The following LAD1 variants were observed in gnomAD, a reference collection of about 807,000 sequenced individuals.
The protein encoded by LAD1 is ladinin 1, also known as ladinin-1.
LAD1 carries 53 observed loss-of-function variants against 54.2 expected under a neutral mutation model. The ratio of observed to expected loss-of-function variants is 0.98; its 90% CI spans 0.78 to 1.23. LAD1 has a LOEUF of 1.23. Ranked by LOEUF, LAD1 falls within the 50% of genes most tolerant of loss-of-function variation. The pLI is 0.00. For missense variants in LAD1, 637 were observed against 653.3 expected, an observed-to-expected ratio of 0.98 and a Z score of 0.27; for synonymous variants, 231 against 257.7, an observed-to-expected ratio of 0.90 and a Z score of 0.99.
At chr1:201,386,178 G>A (rs923558170) in intron 3 of LAD1, among the ~76,000 whole-genome samples, 157 bp downstream of exon 3, 1 of 152,190 alleles carries the variant, frequency 6.6e-6, no homozygotes, top group Non-Finnish European at 1.5e-5. Context: ...CTCTGACCAT[G>A]GCTAGAAGCA....
rs185919354 is a variant in LAD1, at chr1:201,380,862, A to C, written c.*1026T>G. ...GTTCTAATGATTTAAATTTTTGAAA[A>C]GTTGTAAACCACAGCTTTAAGGGGT... On this transcript the variant is annotated 3_prime_UTR_variant, in exon 10 of 10. Transcript: ENST00000391967. The C allele has an allele frequency of 1.3e-4, 20 of 152,322 alleles. No homozygotes were observed. The highest frequency in any genetic ancestry group is 4.1e-4 in the African/African-American group (17 of 41,576). The allele number at this position is 152,322 out of a possible 1,614,324, so 9.4% of individuals were successfully genotyped here. A position where few individuals can be genotyped will look rare whatever the true frequency, so the allele number is the denominator to read the frequency against.
In LAD1 at chr1:201,386,904, G is replaced by T. The variant is rs570406740; in HGVS notation, c.457C>A (p.Pro153Thr). 1.2e-6 allele frequency: 2 copies of T among 1,613,666 alleles called. No homozygotes were observed. The highest frequency in any genetic ancestry group is 1.7e-6 in the Non-Finnish European group (2 of 1,179,994). ...RRRLSREQRGPWALEEESLVG... is the reference protein window; with the variant it reads ...RRRLSREQRGTWALEEESLVG... ...AAGCTCTCCTCCTCCAGGGCCCAGGGGCCCCGCTGTTCCCGACTCAGTCTC... is the reference window on the plus strand; with the variant it reads ...AAGCTCTCCTCCTCCAGGGCCCAGGTGCCCCGCTGTTCCCGACTCAGTCTC... The change falls in exon 3 of 10, where the codon CCC becomes ACC. Residue 153 changes from proline to threonine, a missense_variant. Physicochemically the swap from Pro to Thr is conservative, Grantham distance 38. Coordinates refer to ENST00000391967, the MANE Select transcript of LAD1 (RefSeq NM_005558.4).
At chr1:201,386,098 C>T (rs1662079132) in intron 3 of LAD1, among the ~76,000 whole-genome samples, 1 of 152,182 alleles carries the variant, frequency 6.6e-6, no homozygotes, top group Non-Finnish European at 1.5e-5. Context: ...GTGGGGGGCA[C>T]CAGATGCTCC....
intron 2 of LAD1, among the ~76,000 whole-genome samples, chr1:201,388,850 C>G (rs1393955568): frequency 2.0e-5 from 3 of 152,200 alleles, no homozygotes; most frequent in Non-Finnish European, 4.4e-5. Context: ...AACCCTGTTA[C>G]TCCACCTGTA....
Position 201,382,313 on chromosome 1 carries a change from G to A in LAD1, c.1487C>T (p.Ala496Val), listed in dbSNP as rs750006485. Residue 496 changes from alanine (A) to valine (V), a missense_variant, in exon 9 of 10, where the codon GCA (alanine) becomes GTA (valine). Ala to Val is a moderately conservative substitution (Grantham distance 64). Transcript: ENST00000391967. ...GDQDPQEAQK[A>V]SSATERTQWG... The stretch of plus-strand genomic sequence containing the variant: ...CTGAGTCCTCTCGGTTGCAGATGAT[G>A]CTTTCTGTGCCTCCTGATTGAGGGT... 1.2e-6 allele frequency: 2 copies of A among 1,613,520 alleles called. No homozygotes were observed. Among genetic ancestry groups the A allele is most frequent in the Non-Finnish European group, 1.7e-6 (2 of 1,179,534 alleles).
chr1:201,399,103 G>A (rs1662358863), intron 1 of LAD1, among the ~76,000 whole-genome samples, 166 bp downstream of exon 1: 1 of 152,200 alleles, frequency 6.6e-6, no homozygotes, highest in Non-Finnish European at 1.5e-5. Context: ...GTAACCTCAG[G>A]GGTCCCGAGT....
intron 1 of LAD1, among the ~76,000 whole-genome samples, chr1:201,392,512 C>G (rs763775242): frequency 2.6e-5 from 4 of 152,182 alleles, no homozygotes; most frequent in African/African-American, 7.2e-5. Context: ...GAGGAGGAGG[C>G]AGCAGAGCCA....
At chr1:201,398,286 C>A (rs1189022285) in intron 1 of LAD1, among the ~76,000 whole-genome samples, 2 of 152,166 alleles carry the variant, frequency 1.3e-5, no homozygotes, top group African/African-American at 4.8e-5. Flanking sequence ...AGGGTCTGCA[C>A]CTGGCAGAGA....
chr1:201,382,239 C>T lies in LAD1; in HGVS notation c.1548+13G>A, dbSNP rs745398944. On this transcript the variant is annotated intron_variant, in intron 9 of 9. Coordinates refer to ENST00000391967, the MANE Select transcript of LAD1 (RefSeq NM_005558.4). ...CCCTCCGCCGTAGGGCCAGGCTCCT[C>T]CCCACCATTCACCTCAGCGTCCAGC... is the stretch of plus-strand genomic sequence containing the variant. 3 of 1,609,874 alleles carry T rather than the reference C, an allele frequency of 1.9e-6. No homozygotes were observed. Among genetic ancestry groups the T allele is most frequent in the Non-Finnish European group, 2.5e-6 (3 of 1,176,732 alleles).
At chr1:201,383,912 G>A (rs1662022484) in intron 5 of LAD1, among the ~76,000 whole-genome samples, 1 of 152,156 alleles carries the variant, frequency 6.6e-6, no homozygotes, top group Non-Finnish European at 1.5e-5. Context: ...TTCACATGCT[G>A]TTCCCTCTAT....
chr1:201,390,033 C>T (rs1026572423), intron 1 of LAD1, among the ~76,000 whole-genome samples: 2 of 151,876 alleles, frequency 1.3e-5, no homozygotes, highest in Admixed American at 6.5e-5. Context: ...GATCCTCCCA[C>T]CTCAGCCTCC....
chr1:201,384,722 G>A (rs375501902), intron 5 of LAD1, 70 bp downstream of exon 5: 42 of 1,472,574 alleles, frequency 2.9e-5, no homozygotes, highest in Non-Finnish European at 3.4e-5. Context: ...CAAGGAGGGC[G>A]GGTGCAGGTA....
intron 7 of LAD1, 49 bp downstream of exon 7, chr1:201,383,025 A>T: frequency 6.4e-7 from 1 of 1,555,708 alleles, no homozygotes. Context: ...GGTTTTGGAG[A>T]CGTCAGGGCT....
At chr1:201,390,122 G>A (rs986640889) in intron 1 of LAD1, among the ~76,000 whole-genome samples, 2 of 151,810 alleles carry the variant, frequency 1.3e-5, no homozygotes, top group Admixed American at 1.3e-4. Flanking sequence ...GTCTCACAAT[G>A]TTGCTCAGCT....
intron 3 of LAD1, 44 bp downstream of exon 3, chr1:201,386,291 C>T: frequency 7.2e-7 from 1 of 1,395,324 alleles, no homozygotes; most frequent in Non-Finnish European, 9.3e-7. Context: ...CAGTGCCAGC[C>T]AGGTGGCAGA....
chr1:201,386,319 AC>A lies in LAD1; in HGVS notation c.1026+15del. The A allele has an allele frequency of 2.3e-6, 3 of 1,278,892 alleles. No individual in the cohort carries two copies. Among genetic ancestry groups the A allele is most frequent in the Non-Finnish European group, 3.1e-6 (3 of 956,170 alleles). 79.2% of individuals were successfully genotyped at this position (1,278,892 alleles called of 1,614,324 possible). A position where few individuals can be genotyped will look rare whatever the true frequency, so the allele number is the denominator to read the frequency against. ...GTGGCAGAGTAGAAGGGTGGGAGGG[AC>A]GGGACACTGCCAACCTGGAGTGTGA... is the stretch of plus-strand genomic sequence containing the variant. On this transcript the variant is annotated intron_variant, in intron 3 of 9. Coordinates refer to ENST00000391967, the MANE Select transcript of LAD1 (RefSeq NM_005558.4).
chr1:201,389,309 G>A lies in LAD1; in HGVS notation c.39-6C>T, dbSNP rs1393499730. The A allele has an allele frequency of 6.2e-7, 1 of 1,610,046 alleles. No homozygotes were observed. The highest frequency in any genetic ancestry group is 1.7e-5 in the Admixed American group (1 of 60,006). On this transcript the variant is annotated splice_region_variant and splice_polypyrimidine_tract_variant and intron_variant, in intron 1 of 9. Transcript: ENST00000391967. The stretch of plus-strand genomic sequence containing the variant: ...GAGTCCTCTGCCGGGCAAGGCTGGG[G>A]GAGGGGAGGAGAGGGTCAGCACAGC...
At chr1:201,389,942 C>G (rs182236805) in intron 1 of LAD1, among the ~76,000 whole-genome samples, 575 of 151,940 alleles carry the variant, frequency 3.8e-3, no homozygotes, top group Non-Finnish European at 5.8e-3. Flanking sequence ...TTTTTTGAAA[C>G]AGGATCTCGC....
At chr1:201,383,707 C>T in intron 5 of LAD1, 1 of 392,788 alleles carries the variant, frequency 2.5e-6, no homozygotes, top group South Asian at 2.2e-5. Context: ...CGCCACTTAC[C>T]TGCTCTCCCA....
Sources: gnomAD v4.1 joint callset for allele counts (sites outside exome capture counted in the v4.1 genomes callset) on GRCh38, gnomAD v4.1.1 for gene constraint, MANE v1.5 for transcripts, NCBI Gene and HGNC (gene_info 2026-07-23, HGNC 2026-07-21) for gene names.